The following CBLB variants were observed in gnomAD, a reference collection of about 807,000 sequenced individuals.
CBLB encodes the protein Cbl proto-oncogene B.
Under a neutral mutation model 104.9 loss-of-function variants are expected in CBLB, and 31 were observed. The observed-to-expected ratio is 0.30, with a 90% CI of 0.22 to 0.40. The LOEUF is 0.40. CBLB is among the 10% of genes least tolerant of loss of function. The pLI is 1.00. For synonymous variants in CBLB, 440 were observed against 422.6 expected, an observed-to-expected ratio of 1.04 and a Z score of -0.51; for missense variants, 1,062 against 1,214.6, an observed-to-expected ratio of 0.87 and a Z score of 1.87.
chr3:105,662,206 T>G lies in CBLB; in HGVS notation c.2690-2977A>C, dbSNP rs549725719. Among the ~76,000 whole-genome samples the G allele has an allele frequency of 2.6e-5, 4 of 152,304 alleles. No homozygotes were observed. In the South Asian group the frequency reaches 8.3e-4, roughly 32 times the overall value. ...AAGCCCAGACGCAGCCTTCACTTTC[T>G]CCACTTTTCTTTTTCACAGTACCTA... On this transcript the variant is annotated intron_variant, in intron 18 of 18. Coordinates refer to ENST00000394030, the MANE Select transcript of CBLB (RefSeq NM_170662.5).
At chr3:105,843,533 C>T (rs977752273) in intron 3 of CBLB, among the ~76,000 whole-genome samples, 1 of 151,748 alleles carries the variant, frequency 6.6e-6, no homozygotes, top group African/African-American at 2.4e-5. Flanking sequence ...ATTAAATGTA[C>T]ATATTTGTAT....
At chr3:105,779,551 C>A (rs2079899760) in intron 3 of CBLB, among the ~76,000 whole-genome samples, 1 of 151,874 alleles carries the variant, frequency 6.6e-6, no homozygotes, top group Non-Finnish European at 1.5e-5. Flanking sequence ...TATACTTATA[C>A]ACTCACACAC....
intron 12 of CBLB, among the ~76,000 whole-genome samples, chr3:105,696,632 T>G (rs1335498743): frequency 1.3e-5 from 2 of 151,866 alleles, no homozygotes; most frequent in Non-Finnish European, 3.0e-5. Context: ...TAGCTCACTG[T>G]CTGAAATCTA....
intron 3 of CBLB, among the ~76,000 whole-genome samples, chr3:105,785,362 A>G (rs1452983502): frequency 6.6e-6 from 1 of 152,218 alleles, no homozygotes; most frequent in African/African-American, 2.4e-5. Context: ...CTGAAGTTTG[A>G]CTTTCAATTA....
chr3:105,659,657 G>A (rs533659395), intron 18 of CBLB, among the ~76,000 whole-genome samples: 2 of 152,206 alleles, frequency 1.3e-5, no homozygotes, highest in African/African-American at 4.8e-5. Context: ...TTCTATGAGA[G>A]GAAACTTTGT....
chr3:105,661,653 T>G (rs567004574), intron 18 of CBLB, among the ~76,000 whole-genome samples: 2 of 152,282 alleles, frequency 1.3e-5, no homozygotes, highest in South Asian at 4.1e-4. Flanking sequence ...AGAACAGCTG[T>G]GTATACAAGT....
chr3:105,769,032 C>T (rs148067786), intron 4 of CBLB, among the ~76,000 whole-genome samples: 3 of 152,186 alleles, frequency 2.0e-5, no homozygotes, highest in African/African-American at 7.2e-5. Context: ...CAATTATTGC[C>T]GCCGGGCGTG....
chr3:105,854,098 G>A (rs910102588), intron 2 of CBLB, among the ~76,000 whole-genome samples: 10 of 152,184 alleles, frequency 6.6e-5, no homozygotes, highest in Non-Finnish European at 5.9e-5. Context: ...GTTAATTAGC[G>A]TTTTGGTGTA....
At chr3:105,793,597 A>C (rs1165810939) in intron 3 of CBLB, among the ~76,000 whole-genome samples, 1 of 152,118 alleles carries the variant, frequency 6.6e-6, no homozygotes, top group African/African-American at 2.4e-5. Context: ...ATATTTTCAC[A>C]CAAGAAGAAC....
At chr3:105,667,787 T>C (rs772864105) in intron 18 of CBLB, among the ~76,000 whole-genome samples, 7 of 152,202 alleles carry the variant, frequency 4.6e-5, no homozygotes, top group Non-Finnish European at 7.4e-5. Context: ...ATCAATTATT[T>C]AGACAGCCAT....
At chr3:105,665,390 A>AAAAT (rs200538551) in intron 18 of CBLB, among the ~76,000 whole-genome samples, 6 of 122,404 alleles carry the variant, frequency 4.9e-5, no homozygotes, top group African/African-American at 2.0e-4. Flanking sequence ...TGTCTCCAAA[A>AAAAT]AAATAAATAA....
At chr3:105,821,626 C>G (rs867767965) in intron 3 of CBLB, among the ~76,000 whole-genome samples, 1 of 152,272 alleles carries the variant, frequency 6.6e-6, no homozygotes, top group East Asian at 1.9e-4. Flanking sequence ...TTTGGACTTT[C>G]CTCTTTGAAC....
intron 2 of CBLB, among the ~76,000 whole-genome samples, chr3:105,865,953 C>T (rs2092403962): frequency 6.6e-6 from 1 of 152,200 alleles, no homozygotes; most frequent in African/African-American, 2.4e-5. Context: ...CAGCATTGTG[C>T]TTGACAAATA....
At chr3:105,678,407 T>C in intron 17 of CBLB, 24 bp downstream of exon 17, 2 of 1,612,768 alleles carry the variant, frequency 1.2e-6, no homozygotes, top group Non-Finnish European at 8.5e-7. Flanking sequence ...AAGTGAATAG[T>C]TTTCTTTGGC....
chr3:105,812,493 G>T (rs190067245), intron 3 of CBLB, among the ~76,000 whole-genome samples: 1 of 152,272 alleles, frequency 6.6e-6, no homozygotes, highest in East Asian at 1.9e-4. Context: ...TCTTTTCTGA[G>T]GAAGATACGA....
At chr3:105,842,484 G>A (rs923033879) in intron 3 of CBLB, among the ~76,000 whole-genome samples, 5 of 152,100 alleles carry the variant, frequency 3.3e-5, no homozygotes, top group Admixed American at 6.6e-5. Context: ...AACAAACACC[G>A]TTTCTCCCTT....
At position 105,685,330 on chromosome 3, in the gene CBLB, G is replaced by A. The variant is rs2066875842; in HGVS notation, c.2191C>T (p.Pro731Ser). 3.1e-6 allele frequency: 5 copies of A among 1,613,696 alleles called. No individual in the cohort carries two copies. In the African/African-American group the frequency reaches 4.0e-5, roughly 13 times the overall value. Residue 731 changes from proline to serine, a missense_variant, in exon 14 of 19, where the codon CCT becomes TCT. Physicochemically the swap from Pro to Ser is moderately conservative, Grantham distance 74 (BLOSUM62 -1). Around this residue, in one of 2 missense-constraint regions of CBLB, gnomAD observed 605 missense variants for 582.6 expected, o/e 1.04. Coordinates refer to ENST00000394030, the MANE Select transcript of CBLB (RefSeq NM_170662.5). ...TGCCCATACTCTTACCGAACAGGAGGTTTTACATTATGACAATGAGATGGT... is the reference window on the plus strand; with the variant it reads ...TGCCCATACTCTTACCGAACAGGAGATTTTACATTATGACAATGAGATGGT... The part of the protein sequence containing the change: ...SQPSHCHNVK[P>S]PVRSCDNGHC...
chr3:105,762,498 G>A (rs1463897314), intron 4 of CBLB: 1 of 152,256 alleles, frequency 6.6e-6, no homozygotes, highest in Non-Finnish European at 1.5e-5. Context: ...TGGCTATAAG[G>A]GGCCAATGTT....
intron 4 of CBLB, among the ~76,000 whole-genome samples, chr3:105,764,003 G>C (rs2077950730): frequency 6.6e-6 from 1 of 152,174 alleles, no homozygotes; most frequent in Non-Finnish European, 1.5e-5. Flanking sequence ...GTAGAACCTA[G>C]AACTTAAGGA....
Sources: allele counts gnomAD v4.1 joint callset (sites outside exome capture counted in the v4.1 genomes callset), GRCh38; gene constraint gnomAD v4.1.1; regional missense constraint gnomAD v4.1.1; transcripts MANE v1.5; gene names NCBI Gene and HGNC (gene_info 2026-07-23, HGNC 2026-07-21).